The following PRUNE2 variants were observed in gnomAD, a reference collection of about 807,000 sequenced individuals.
PRUNE2 encodes the protein protein prune homolog 2.
In PRUNE2, 164 loss-of-function variants were observed where a neutral mutation model predicts 252.0. The observed-to-expected ratio is 0.65, with a 90% CI of 0.57 to 0.74. The LOEUF is 0.74. Ranked by LOEUF, PRUNE2 falls within the 30% of genes least tolerant of loss-of-function variation. The probability of loss-of-function intolerance (pLI) is 0.00; values close to 1 mark genes in which losing one functional copy is unlikely to be tolerated. For missense variants in PRUNE2, 3,495 were observed against 3,711.0 expected (o/e 0.94, Z 1.51); for synonymous variants, 1,292 against 1,350.2 (o/e 0.96, Z 0.94).
intron 9 of PRUNE2, among the ~76,000 whole-genome samples, chr9:76,683,647 G>T (rs1368682256): frequency 6.6e-6 from 1 of 151,966 alleles, no homozygotes; most frequent in African/African-American, 2.4e-5. Context: ...GAAGTGCCAG[G>T]GTCATGAACC....
chr9:76,761,215 CT>C (rs1371285967), intron 6 of PRUNE2, among the ~76,000 whole-genome samples: 3 of 152,002 alleles, frequency 2.0e-5, no homozygotes, highest in Admixed American at 2.0e-4. Flanking sequence ...GAGTTTAAAT[CT>C]ACCTCATGCC....
intron 12 of PRUNE2, chr9:76,641,868 T>C: frequency 7.5e-7 from 1 of 1,339,098 alleles, no homozygotes; most frequent in Non-Finnish European, 1.0e-6. Context: ...GAAGGAAAGA[T>C]GTCACAGTCG....
At chr9:76,784,022 G>T (rs1475972228) in intron 6 of PRUNE2, 1 of 152,062 alleles carries the variant, frequency 6.6e-6, no homozygotes, top group Non-Finnish European at 1.5e-5. Flanking sequence ...GCCTCGTATT[G>T]TCTGACTGGC....
At chr9:76,895,806 CAG>C (rs1258792985) in intron 1 of PRUNE2, among the ~76,000 whole-genome samples, 1 of 151,996 alleles carries the variant, frequency 6.6e-6, no homozygotes, top group African/African-American at 2.4e-5. Context: ...ATTTTTGAGA[CAG>C]AGTCTAGCTC....
chr9:76,797,406 G>A (rs1033758505), intron 6 of PRUNE2, among the ~76,000 whole-genome samples: 2 of 151,914 alleles, frequency 1.3e-5, no homozygotes, highest in African/African-American at 4.8e-5. Flanking sequence ...TGTTTGGTTA[G>A]TTTTCTTTTC....
chr9:76,649,813 C>A (rs372588430), intron 11 of PRUNE2, among the ~76,000 whole-genome samples: 1 of 152,120 alleles, frequency 6.6e-6, no homozygotes, highest in Non-Finnish European at 1.5e-5. Flanking sequence ...GTGAGCTTCA[C>A]AAATTTTCCA....
At chr9:76,807,496 T>C (rs1469110594) in intron 6 of PRUNE2, among the ~76,000 whole-genome samples, 1 of 152,198 alleles carries the variant, frequency 6.6e-6, no homozygotes, top group Non-Finnish European at 1.5e-5. Flanking sequence ...AATAAAGAGG[T>C]AATTATACAA....
chr9:76,809,769 C>A (rs1198671589), intron 6 of PRUNE2, among the ~76,000 whole-genome samples: 1 of 152,050 alleles, frequency 6.6e-6, no homozygotes, highest in African/African-American at 2.4e-5. Context: ...CACTTGTAAC[C>A]CATAAATTCA....
At chr9:76,891,564 G>A (rs1468040235) in intron 1 of PRUNE2, among the ~76,000 whole-genome samples, 1 of 152,182 alleles carries the variant, frequency 6.6e-6, no homozygotes, top group Non-Finnish European at 1.5e-5. Context: ...TCCAAAGCTT[G>A]ATGCGTATGT....
At chr9:76,638,164 C>T in intron 13 of PRUNE2, 22 bp downstream of exon 13, 1 of 1,507,134 alleles carries the variant, frequency 6.6e-7, no homozygotes, top group Non-Finnish European at 9.2e-7. Flanking sequence ...ACTCAAAGCA[C>T]TTTGTCATAA....
At position 76,709,241 on chromosome 9, in the gene PRUNE2, A is replaced by G; in HGVS notation, c.3033T>C (p.Pro1011=). 1.3e-6 allele frequency: 2 copies of G among 1,532,038 alleles called. No homozygotes were observed. Among genetic ancestry groups the G allele is most frequent in the Non-Finnish European group, 1.8e-6 (2 of 1,139,816 alleles). The allele number at this position is 1,532,038 out of a possible 1,614,324, so 94.9% of individuals were successfully genotyped here. Reference sequence around the variant, plus strand: ...GAGATGACTGTTGCAGTGACTGAGGAGGAATGTCAGTCTCCTCTGCCGTGG... The same window carrying G: ...GAGATGACTGTTGCAGTGACTGAGGGGGAATGTCAGTCTCCTCTGCCGTGG... ...GNSTAEETDI[P]PQSLQQSSRN... Residue 1011 remains proline, a synonymous_variant, in exon 8 of 19, where the codon CCT becomes CCC. Transcript: ENST00000376718.
intron 6 of PRUNE2, among the ~76,000 whole-genome samples, chr9:76,790,078 T>C (rs2055408620): frequency 6.6e-6 from 1 of 152,194 alleles, no homozygotes. Flanking sequence ...CAGGAACTGA[T>C]AAAGAGTCCT....
At chr9:76,664,594 C>T (rs192314776) in intron 9 of PRUNE2, among the ~76,000 whole-genome samples, 8 of 152,298 alleles carry the variant, frequency 5.3e-5, no homozygotes, top group African/African-American at 1.7e-4. Flanking sequence ...GATCTCGGCT[C>T]ACTCCAGTCT....
At chr9:76,764,613 T>G (rs2052135706) in intron 6 of PRUNE2, 1 of 152,256 alleles carries the variant, frequency 6.6e-6, no homozygotes, top group South Asian at 2.1e-4. Context: ...GGGAAGTGAC[T>G]AGAAGGTTTA....
At chr9:76,746,732 A>AAAC (rs2050154848) in intron 6 of PRUNE2, among the ~76,000 whole-genome samples, 1 of 150,566 alleles carries the variant, frequency 6.6e-6, no homozygotes, top group African/African-American at 2.4e-5. Flanking sequence ...AAAAAAAAAA[A>AAAC]AAAAAAAAAC....
Position 76,705,185 on chromosome 9 carries a change from T to G in PRUNE2, c.7089A>C (p.Glu2363Asp). ...EYDVMGQNID[E>D]DLLREPEHFL... is the part of the protein sequence containing the mutation. ...AGTGTTCAGGCTCTCTCAGTAAATC[T>G]TCATCGATATTCTGGCCCATTACAT... Residue 2363 changes from glutamate to aspartate, a missense_variant, in exon 8 of 19, where the codon GAA becomes GAC. Physicochemically the swap from Glu to Asp is conservative, Grantham distance 45. Coordinates refer to ENST00000376718, the MANE Select transcript of PRUNE2 (RefSeq NM_015225.3). The G allele has an allele frequency of 6.2e-7, 1 of 1,614,016 alleles. No homozygotes were observed. The highest frequency in any genetic ancestry group is 8.5e-7 in the Non-Finnish European group (1 of 1,179,882).
chr9:76,788,399 T>C, intron 6 of PRUNE2: 1 of 760,992 alleles, frequency 1.3e-6, no homozygotes, highest in South Asian at 1.4e-5. Flanking sequence ...AACCACTACT[T>C]TCCTCTTTGT....
intron 1 of PRUNE2, among the ~76,000 whole-genome samples, chr9:76,861,641 TC>T (rs1253471151): frequency 6.6e-6 from 1 of 152,140 alleles, no homozygotes; most frequent in Admixed American, 6.6e-5. Context: ...AATCCATTCT[TC>T]CTTAGCCTGT....
chr9:76,799,619 T>C (rs773097212), intron 6 of PRUNE2, among the ~76,000 whole-genome samples: 6 of 152,184 alleles, frequency 3.9e-5, no homozygotes, highest in Admixed American at 1.3e-4. Flanking sequence ...CATGTGGTTA[T>C]CAGAACATGA....
Sources: allele counts gnomAD v4.1 joint callset (sites outside exome capture counted in the v4.1 genomes callset), GRCh38; gene constraint gnomAD v4.1.1; transcripts MANE v1.5; gene names NCBI Gene and HGNC (gene_info 2026-07-23, HGNC 2026-07-21).